Variants in RNF169 observed in about 807,000 individuals in gnomAD.
RNF169 encodes ring finger protein 169, also known as E3 ubiquitin-protein ligase RNF169.
RNF169 carries 24 observed loss-of-function variants against 53.9 expected under a neutral mutation model. The observed-to-expected ratio is 0.45, with a 90% CI of 0.32 to 0.63. RNF169 has a LOEUF of 0.63. Ranked by LOEUF, RNF169 falls within the 20% of genes least tolerant of loss-of-function variation. The pLI, the probability that RNF169 is intolerant of heterozygous loss-of-function variation, is 0.04. For missense variants in RNF169, 883 were observed against 906.2 expected (o/e 0.97, Z 0.33); for synonymous variants, 396 against 363.5 (o/e 1.09, Z -1.02).
chr11:74,758,664 G>C lies in RNF169; in HGVS notation c.502+9282G>C, dbSNP rs573707329. ...CTACAGGCGCCCGCCACTACGCCCG[G>C]CTAATTTTTTTTTGTATTTTTAGTA... On this transcript the variant is annotated intron_variant, in intron 1 of 5. Coordinates refer to ENST00000299563, the MANE Select transcript of RNF169 (RefSeq NM_001098638.2). Among the ~76,000 whole-genome samples the C allele has an allele frequency of 2.0e-5, 3 of 152,190 alleles. No homozygotes were observed. The East Asian group carries it at 5.8e-4, about 29-fold the overall frequency.
intron 1 of RNF169, among the ~76,000 whole-genome samples, chr11:74,770,231 C>A (rs1213873517): frequency 6.6e-6 from 1 of 152,338 alleles, no homozygotes; most frequent in African/African-American, 2.4e-5. Context: ...GAGCCCATTC[C>A]TGGGCCTTGG....
At chr11:74,819,863 T>C (rs1400511164) in intron 4 of RNF169, among the ~76,000 whole-genome samples, 3 of 152,222 alleles carry the variant, frequency 2.0e-5, no homozygotes, top group African/African-American at 7.2e-5. Flanking sequence ...TTCTACTTAG[T>C]AGAAATTAAC....
At chr11:74,768,119 G>A (rs2135321602) in intron 1 of RNF169, among the ~76,000 whole-genome samples, 1 of 152,324 alleles carries the variant, frequency 6.6e-6, no homozygotes, top group South Asian at 2.1e-4. Flanking sequence ...TTAAGACAGT[G>A]AAGTATTGGT....
At chr11:74,778,078 G>A (rs1053466181) in intron 1 of RNF169, among the ~76,000 whole-genome samples, 4 of 152,152 alleles carry the variant, frequency 2.6e-5, no homozygotes, top group African/African-American at 9.6e-5. Context: ...TGCAGTGTGT[G>A]TTTGTAAGAT....
intron 1 of RNF169, among the ~76,000 whole-genome samples, chr11:74,754,242 A>G (rs567755814): frequency 4.6e-5 from 7 of 152,322 alleles, no homozygotes; most frequent in Non-Finnish European, 1.0e-4. Flanking sequence ...CTTACCATAC[A>G]GGCTTACATA....
At chr11:74,774,073 C>A (rs372345768) in intron 1 of RNF169, among the ~76,000 whole-genome samples, 1 of 152,190 alleles carries the variant, frequency 6.6e-6, no homozygotes, top group South Asian at 2.1e-4. Flanking sequence ...GGTGCAGTCG[C>A]TCATGCCTGT....
chr11:74,813,712 G>A (rs890151642), intron 3 of RNF169, among the ~76,000 whole-genome samples: 1 of 151,878 alleles, frequency 6.6e-6, no homozygotes, highest in Non-Finnish European at 1.5e-5. Context: ...TTTTTGAGAC[G>A]GAGTCTCGCT....
chr11:74,828,170 G>A (rs1228923764), intron 4 of RNF169, among the ~76,000 whole-genome samples: 1 of 152,094 alleles, frequency 6.6e-6, no homozygotes, highest in East Asian at 1.9e-4. Flanking sequence ...AAAATCACTA[G>A]CATTCCTATA....
intron 1 of RNF169, among the ~76,000 whole-genome samples, chr11:74,785,158 TATATATATATATATGATATATATATATG>T (rs2035471070): frequency 7.5e-6 from 1 of 132,584 alleles, no homozygotes; most frequent in East Asian, 2.1e-4. Flanking sequence ...CATGTATTTT[TATATATATATATATGATATATATATATG>T]ATATATATAT....
intron 1 of RNF169, among the ~76,000 whole-genome samples, chr11:74,789,247 G>A (rs894729133): frequency 6.6e-5 from 10 of 152,078 alleles, no homozygotes; most frequent in Admixed American, 6.6e-4. Flanking sequence ...TAAAATAGTT[G>A]ATTCCTCTGT....
intron 3 of RNF169, among the ~76,000 whole-genome samples, chr11:74,812,154 T>C (rs2035884016): frequency 6.6e-6 from 1 of 152,226 alleles, no homozygotes; most frequent in South Asian, 2.1e-4. Flanking sequence ...TTAAAAGGAA[T>C]CAGAAAGTAC....
chr11:74,826,423 C>T (rs890352705), intron 4 of RNF169, among the ~76,000 whole-genome samples: 2 of 152,174 alleles, frequency 1.3e-5, no homozygotes, highest in Admixed American at 1.3e-4. Flanking sequence ...GTTACCACCA[C>T]CTGGACTCTA....
chr11:74,763,370 C>G (rs1260349560), intron 1 of RNF169, among the ~76,000 whole-genome samples: 1 of 152,074 alleles, frequency 6.6e-6, no homozygotes. Context: ...GCAGATAGAA[C>G]AAGCAGGAGG....
Position 74,789,712 on chromosome 11 carries a change from C to G in RNF169, c.576+13C>G. ...AAGCTTGAGAAAGGTATAGTATTAT[C>G]ATGTCATTCATTTTCTTAAAGTAGA... On this transcript the variant is annotated intron_variant, in intron 2 of 5. Transcript: ENST00000299563. The G allele has an allele frequency of 6.7e-7, 1 of 1,493,818 alleles. No homozygotes were observed. The highest frequency in any genetic ancestry group is 9.3e-7 in the Non-Finnish European group (1 of 1,077,162). The allele number at this position is 1,493,818 out of a possible 1,614,324, so 92.5% of individuals were successfully genotyped here.
intron 2 of RNF169, among the ~76,000 whole-genome samples, chr11:74,791,582 C>G (rs1189868152): frequency 1.3e-5 from 2 of 152,234 alleles, no homozygotes; most frequent in Non-Finnish European, 2.9e-5. Context: ...GCCATGTCAG[C>G]ATCACCATGA....
intron 2 of RNF169, among the ~76,000 whole-genome samples, chr11:74,805,961 C>T (rs963727457): frequency 1.3e-5 from 2 of 151,662 alleles, no homozygotes; most frequent in Admixed American, 6.6e-5. Flanking sequence ...ATATACCGAG[C>T]GACAGCTGTA....
At position 74,839,920 on chromosome 11, in the gene RNF169, C is replaced by T. The variant is rs1444869739; in HGVS notation, c.*3190C>T. 6.6e-6 allele frequency: 1 copy of T among 152,078 alleles called. No individual in the cohort carries two copies. Among genetic ancestry groups the T allele is most frequent in the Non-Finnish European group, 1.5e-5 (1 of 68,018 alleles). 9.4% of individuals were successfully genotyped at this position (152,078 alleles called of 1,614,324 possible). A position where few individuals can be genotyped will look rare whatever the true frequency, so the allele number is the denominator to read the frequency against. The stretch of plus-strand genomic sequence containing the variant: ...TTGGGTGAGGCTTGCCAGGGAAACT[C>T]CTAAGTGGCTTCACTTATTTTTTAA... On this transcript the variant is annotated 3_prime_UTR_variant, in exon 6 of 6. Transcript: ENST00000299563.
At chr11:74,818,316 C>T (rs2035965344) in intron 4 of RNF169, among the ~76,000 whole-genome samples, 2 of 152,136 alleles carry the variant, frequency 1.3e-5, no homozygotes, top group African/African-American at 4.8e-5. Context: ...AAGGAGGACT[C>T]ATGCATACAT....
chr11:74,825,640 C>T (rs1242327338), intron 4 of RNF169, among the ~76,000 whole-genome samples: 1 of 152,186 alleles, frequency 6.6e-6, no homozygotes, highest in Non-Finnish European at 1.5e-5. Flanking sequence ...TCCTCCCTAA[C>T]TCATTCTATA....
Sources: gnomAD v4.1 joint callset for allele counts (sites outside exome capture counted in the v4.1 genomes callset) on GRCh38, gnomAD v4.1.1 for gene constraint, MANE v1.5 for transcripts, NCBI Gene and HGNC (gene_info 2026-07-23, HGNC 2026-07-21) for gene names.